CEP295: variants seen among roughly 807,000 people sequenced by gnomAD.
The protein encoded by CEP295 is centrosomal protein 295.
CEP295 carries 190 observed loss-of-function variants against 291.6 expected under a neutral mutation model. That is an observed-to-expected ratio of 0.65 (90% CI 0.58 to 0.73). The LOEUF is 0.73. Ranked by LOEUF, CEP295 falls within the 30% of genes least tolerant of loss-of-function variation. CEP295 has a pLI of 0.00. For missense variants in CEP295, 2,863 were observed against 2,949.4 expected (o/e 0.97, Z 0.68); for synonymous variants, 993 against 1,038.8 (o/e 0.96, Z 0.85).
Position 93,679,447 on chromosome 11 carries a change from A to G in CEP295, c.660A>G (p.Lys220=), listed in dbSNP as rs773383638. Residue 220 remains lysine (K), a synonymous_variant, in exon 7 of 30, where the codon AAA becomes AAG. Transcript: ENST00000325212. ...GTTTGGCTGCTGAAGAGGAAGCTAA[A>G]CGATTGGAAGAACTACAAAAACAGG... ...DARLAAEEEA[K]RLEELQKQAA... 6.4e-7 allele frequency: 1 copy of G among 1,551,390 alleles called. No individual in the cohort carries two copies. The highest frequency in any genetic ancestry group is 1.4e-5 in the African/African-American group (1 of 73,026).
rs1376772674 is a variant in CEP295, at chr11:93,702,608, C to T, written c.5423C>T (p.Ala1808Val). The change falls in exon 16 of 30, where the codon GCT becomes GTT. Residue 1808 changes from alanine to valine, a missense_variant. Physicochemically the swap from Ala to Val is moderately conservative, Grantham distance 64. Transcript: ENST00000325212. ...AACAACTCTGATGATAATCATTTGGCTTCAGAAGATACTAGTGCCAAGCAA... is the reference window on the plus strand; with the variant it reads ...AACAACTCTGATGATAATCATTTGGTTTCAGAAGATACTAGTGCCAAGCAA... ...DRNNSDDNHL[A>V]SEDTSAKQSG... The T allele has an allele frequency of 3.9e-6, 6 of 1,546,968 alleles. No individual in the cohort carries two copies. In the African/African-American group the frequency reaches 6.9e-5, roughly 18 times the overall value.
intron 15 of CEP295, among the ~76,000 whole-genome samples, chr11:93,701,765 A>G (rs1952177526): frequency 6.6e-6 from 1 of 151,648 alleles, no homozygotes; most frequent in Admixed American, 6.6e-5. Context: ...CACCATGCCC[A>G]GCTAACTTTT....
At chr11:93,712,193 A>G (rs1952951433) in intron 18 of CEP295, among the ~76,000 whole-genome samples, 1 of 151,064 alleles carries the variant, frequency 6.6e-6, no homozygotes, top group South Asian at 2.1e-4. Context: ...ACCCCTTATC[A>G]TTATATAATG....
chr11:93,683,819 A>G (rs1951091109), intron 8 of CEP295, 77 bp downstream of exon 8: 1 of 1,452,014 alleles, frequency 6.9e-7, no homozygotes, highest in Non-Finnish European at 9.3e-7. Flanking sequence ...ATGATAAAGC[A>G]GTTTTTATCT....
At chr11:93,696,442 T>C in intron 14 of CEP295, 25 bp downstream of exon 14, 1 of 1,309,244 alleles carries the variant, frequency 7.6e-7, no homozygotes. Flanking sequence ...ATAATTTATA[T>C]GTGATCGTAT....
intron 10 of CEP295, among the ~76,000 whole-genome samples, chr11:93,690,083 G>C (rs953829272): frequency 2.6e-5 from 4 of 152,260 alleles, no homozygotes; most frequent in African/African-American, 7.2e-5. Flanking sequence ...CCAAAAAAGG[G>C]AACTCTCATA....
In CEP295 at chr11:93,708,096, TGATACTG is replaced by T. The variant is rs990200636; in HGVS notation, c.5749+1201_5749+1207del. Among the ~76,000 whole-genome samples the T allele has an allele frequency of 1.3e-3, 195 of 152,356 alleles. 1 individual carries two copies. Among genetic ancestry groups the T allele is most frequent in the African/African-American group, 4.4e-3 (184 of 41,588 alleles). ...TATTTATGGGGTATATGGGATAGTT[TGATACTG>T]GTATACAATGTGTAATATTCACATC... is the stretch of plus-strand genomic sequence containing the variant. On this transcript the variant is annotated intron_variant, in intron 18 of 29. Coordinates refer to ENST00000325212, the MANE Select transcript of CEP295 (RefSeq NM_033395.2).
intron 1 of CEP295, among the ~76,000 whole-genome samples, 166 bp from the exon 2 acceptor site, chr11:93,666,516 C>T (rs1006792619): frequency 1.3e-5 from 2 of 152,138 alleles, no homozygotes; most frequent in Admixed American, 1.3e-4. Flanking sequence ...ATCGCTTGAA[C>T]ACGGGAAGCA....
intron 4 of CEP295, 150 bp from the exon 5 acceptor site, chr11:93,669,527 A>G (rs10765621): frequency 0.96 from 462,963 of 482,276 alleles, 223,611 homozygotes; most frequent in Non-Finnish European, 0.99. Flanking sequence ...TTCTTAACAT[A>G]TGTATAGACT....
intron 23 of CEP295, among the ~76,000 whole-genome samples, chr11:93,726,055 C>G (rs1367466205): frequency 1.3e-5 from 2 of 150,660 alleles, no homozygotes; most frequent in African/African-American, 2.5e-5. Flanking sequence ...TCCTCAATTT[C>G]CCTACCTCAA....
At chr11:93,700,251 T>C in intron 15 of CEP295, 65 bp downstream of exon 15, 1 of 1,316,818 alleles carries the variant, frequency 7.6e-7, no homozygotes, top group Non-Finnish European at 1.0e-6. Context: ...TTTTTAATAC[T>C]AGGATTACAA....
rs1330951376 is a variant in CEP295, at chr11:93,687,690, T to A, written c.1161T>A (p.Phe387Leu). 1 of 1,544,088 alleles carries A rather than the reference T, an allele frequency of 6.5e-7. No homozygotes were observed. Among genetic ancestry groups the A allele is most frequent in the African/African-American group, 1.4e-5 (1 of 72,874 alleles). The part of the protein sequence containing the change: ...KTQQIPSKVL[F>L]KKLLNKIRSQ... ...AACAGATTCCTTCAAAAGTTCTTTT[T>A]AAAAAATTATTAAATAAGATCCGAA... Residue 387 changes from phenylalanine (F) to leucine (L), a missense_variant, in exon 10 of 30, where the codon TTT becomes TTA. Physicochemically the swap from Phe to Leu is conservative, Grantham distance 22. Around this residue, in one of 3 missense-constraint regions of CEP295, gnomAD observed 554 missense variants for 576.0 expected, o/e 0.96. Transcript: ENST00000325212.
intron 18 of CEP295, among the ~76,000 whole-genome samples, chr11:93,714,310 G>T (rs1301081673): frequency 2.0e-5 from 3 of 152,164 alleles, no homozygotes; most frequent in African/African-American, 7.2e-5. Context: ...GAGTGCAGTG[G>T]CATGATCTCA....
intron 22 of CEP295, 28 bp downstream of exon 22, chr11:93,724,403 G>A: frequency 6.5e-7 from 1 of 1,537,794 alleles, no homozygotes; most frequent in African/African-American, 1.4e-5. Context: ...TCCCATTGCA[G>A]TGAATATCTA....
At chr11:93,724,059 A>G in intron 21 of CEP295, 195 bp from the exon 22 acceptor site, 1 of 407,140 alleles carries the variant, frequency 2.5e-6, no homozygotes, top group Non-Finnish European at 4.3e-6. Context: ...GACCTTTGAA[A>G]TAATCATGAT....
rs779078716 is a variant in CEP295 at position 93,687,778 on chromosome 11, G to A, written c.1249G>A (p.Val417Ile). ...SEDESEMITTVSEIESKAPTV... is the reference protein window; with the variant it reads ...SEDESEMITTISEIESKAPTV... ...GGATGAAAGTGAAATGATTACGACT[G>A]TTAGTGAAATTGAGAGTAAAGCACC... is the stretch of plus-strand genomic sequence containing the variant. The change falls in exon 10 of 30, where the codon GTT becomes ATT. Residue 417 changes from valine to isoleucine, a missense_variant. This residue lies in a region of CEP295 where 554 missense variants were observed against 576.0 expected (regional missense o/e 0.96). Transcript: ENST00000325212. 1.3e-6 allele frequency: 2 copies of A among 1,551,188 alleles called. No homozygotes were observed. Among genetic ancestry groups the A allele is most frequent in the Admixed American group, 2.0e-5 (1 of 50,986 alleles).
chr11:93,680,550 C>G (rs1465320725), intron 7 of CEP295, among the ~76,000 whole-genome samples: 3 of 152,258 alleles, frequency 2.0e-5, no homozygotes, highest in Non-Finnish European at 4.4e-5. Context: ...CCCGAGAAGG[C>G]TGAGGTAGGA....
intron 7 of CEP295, among the ~76,000 whole-genome samples, chr11:93,682,485 A>G (rs889731087): frequency 6.6e-6 from 1 of 152,058 alleles, no homozygotes; most frequent in Non-Finnish European, 1.5e-5. Context: ...TGGCCTCCCA[A>G]AGTGCTGGGA....
rs1384461430 is a variant in CEP295, at chr11:93,666,744, T to C, written c.37T>C (p.Leu13=). 5 of 1,546,846 alleles carry C rather than the reference T, an allele frequency of 3.2e-6. No individual in the cohort carries two copies. Among genetic ancestry groups the C allele is most frequent in the East Asian group, 2.4e-5 (1 of 40,868 alleles). The part of the protein sequence containing the change: ...RKVVNTHKLR[L]SPNEEAFILK... The stretch of plus-strand genomic sequence containing the variant: ...AGTCGTGAATACTCACAAGCTGAGA[T>C]TGAGTCCTAATGAGGAAGCCTTCAT... The change falls in exon 2 of 30, where the codon TTG becomes CTG. Residue 13 remains leucine (L), a synonymous_variant. Coordinates refer to ENST00000325212, the MANE Select transcript of CEP295 (RefSeq NM_033395.2).
Sources: gnomAD v4.1 joint callset for allele counts (sites outside exome capture counted in the v4.1 genomes callset) on GRCh38, gnomAD v4.1.1 for gene constraint, gnomAD v4.1.1 regional missense constraint, MANE v1.5 for transcripts, NCBI Gene and HGNC (gene_info 2026-07-23, HGNC 2026-07-21) for gene names.